The following CNTNAP3B variants were observed in gnomAD, a reference collection of about 807,000 sequenced individuals.
CNTNAP3B encodes the protein contactin-associated protein-like 3B.
A neutral mutation model predicts 108.9 loss-of-function variants in CNTNAP3B; 25 were observed. The ratio of observed to expected loss-of-function variants is 0.23; its 90% confidence interval spans 0.17 to 0.32. The LOEUF is 0.32. CNTNAP3B is among the 10% of genes least tolerant of loss of function. CNTNAP3B has a pLI of 1.00. For missense variants in CNTNAP3B, 252 were observed against 1,210.4 expected (o/e 0.21, Z 11.75); for synonymous variants, 103 against 473.4 (o/e 0.22, Z 10.16).
chr9:41,935,426 T>A (rs977500355), intron 14 of CNTNAP3B, among the ~76,000 whole-genome samples: 81 of 152,382 alleles, frequency 5.3e-4, no homozygotes, highest in African/African-American at 1.9e-3. Flanking sequence ...CCAGGAAAAC[T>A]TTACTAAGCA....
chr9:42,033,095 G>T (rs796887251), intron 3 of CNTNAP3B, among the ~76,000 whole-genome samples: 7,694 of 112,108 alleles, frequency 0.069, 52 homozygotes, highest in Middle Eastern at 0.15. Flanking sequence ...TATCAAAAAA[G>T]ACAAAAACTA....
intron 2 of CNTNAP3B, among the ~76,000 whole-genome samples, chr9:42,078,526 TC>T (rs1587253949): frequency 1.4e-5 from 2 of 139,852 alleles, no homozygotes; most frequent in East Asian, 2.1e-4. Context: ...TGTTCTATGT[TC>T]TGAATTGAAG....
chr9:41,958,650 G>T (rs1824954092), intron 12 of CNTNAP3B, among the ~76,000 whole-genome samples: 1 of 151,922 alleles, frequency 6.6e-6, no homozygotes, highest in Admixed American at 6.6e-5. Flanking sequence ...ACATGGGACA[G>T]GATGGCCAGA....
chr9:42,002,417 TATA>T (rs1826021600), intron 4 of CNTNAP3B, among the ~76,000 whole-genome samples: 1 of 93,392 alleles, frequency 1.1e-5, no homozygotes, highest in Non-Finnish European at 2.2e-5. Context: ...TTGGTGCAAT[TATA>T]ATGTTTTTGT....
chr9:41,990,933 G>A (rs1825794710), intron 8 of CNTNAP3B, among the ~76,000 whole-genome samples: 1 of 138,988 alleles, frequency 7.2e-6, no homozygotes, highest in Admixed American at 7.2e-5. Flanking sequence ...GCCTGTGTGT[G>A]GGGTGGACAT....
chr9:42,079,567 C>T lies in CNTNAP3B; in HGVS notation c.197-2505G>A, dbSNP rs571677257. Reference sequence around the variant, plus strand: ...AGATGGAGTCTCACTCTGTCACCAGCCTGGAGTGCAGTGGCGAGATCTCTG... The same window carrying T: ...AGATGGAGTCTCACTCTGTCACCAGTCTGGAGTGCAGTGGCGAGATCTCTG... On this transcript the variant is annotated intron_variant, in intron 2 of 23. Coordinates refer to ENST00000377561, the MANE Select transcript of CNTNAP3B (RefSeq NM_001201380.3). Among the ~76,000 whole-genome samples the T allele has an allele frequency of 8.8e-4, 115 of 130,408 alleles. 14 individuals are homozygous for T. Among genetic ancestry groups the T allele is most frequent in the African/African-American group, 3.4e-3 (111 of 32,280 alleles). 85.6% of individuals were successfully genotyped at this position (130,408 alleles called of 152,430 possible). A position where few individuals can be genotyped will look rare whatever the true frequency, so the allele number is the denominator to read the frequency against.
chr9:41,952,242 A>G (rs558348486), intron 13 of CNTNAP3B, among the ~76,000 whole-genome samples: 2 of 152,316 alleles, frequency 1.3e-5, no homozygotes, highest in African/African-American at 4.8e-5. Context: ...GTGAAATTTA[A>G]TTTAAGTGGC....
chr9:41,953,439 C>G, intron 12 of CNTNAP3B, 53 bp from the exon 13 acceptor site: 1 of 1,509,084 alleles, frequency 6.6e-7, no homozygotes, highest in Non-Finnish European at 8.9e-7. Flanking sequence ...ACGCCAGCAG[C>G]AAGAGGCAAA....
intron 2 of CNTNAP3B, among the ~76,000 whole-genome samples, chr9:42,085,180 G>T (rs1450660929): frequency 1.3e-5 from 2 of 151,608 alleles, no homozygotes; most frequent in Non-Finnish European, 2.9e-5. Context: ...CACATGAATT[G>T]GCAAAGACAG....
At chr9:41,934,176 T>TATATATAC (rs1564148370) in intron 14 of CNTNAP3B, among the ~76,000 whole-genome samples, 2 of 106,104 alleles carry the variant, frequency 1.9e-5, no homozygotes, top group Non-Finnish European at 3.7e-5. Context: ...CACATATATA[T>TATATATAC]ACACACACAC....
intron 2 of CNTNAP3B, among the ~76,000 whole-genome samples, chr9:42,082,989 C>A (rs1827632446): frequency 7.2e-6 from 1 of 138,968 alleles, no homozygotes; most frequent in Non-Finnish European, 1.5e-5. Flanking sequence ...TAAGTGTAAA[C>A]ACATGGAAAA....
At chr9:41,934,186 C>T (rs1449739818) in intron 14 of CNTNAP3B, among the ~76,000 whole-genome samples, 3,645 of 131,514 alleles carry the variant, frequency 0.028, 11 homozygotes, top group Non-Finnish European at 0.036. Context: ...TACACACACA[C>T]ACATATATAT....
In CNTNAP3B at chr9:42,121,910, CA is replaced by C. The variant is rs1828471966; in HGVS notation, c.85+7099del. Among the ~76,000 whole-genome samples the C allele has an allele frequency of 1.4e-5, 2 of 140,100 alleles. 1 individual carries two copies. The highest frequency in any genetic ancestry group is 5.6e-5 in the African/African-American group (2 of 35,494). 91.9% of individuals were successfully genotyped at this position (140,100 alleles called of 152,430 possible). Reference sequence around the variant, plus strand: ...TGGTTGCGGCAGAAGACTCCTGGGTCAAAGCAAAGGACTGTATTACTTACAG... The same window carrying C: ...TGGTTGCGGCAGAAGACTCCTGGGTCAAGCAAAGGACTGTATTACTTACAG... On this transcript the variant is annotated intron_variant, in intron 1 of 23. Transcript: ENST00000377561.
chr9:42,047,712 G>T (rs1440864090), intron 3 of CNTNAP3B, among the ~76,000 whole-genome samples: 2 of 62,954 alleles, frequency 3.2e-5, no homozygotes, highest in Non-Finnish European at 6.2e-5. Context: ...TCCTTCTGGT[G>T]TGAACTGCAC....
At chr9:42,111,584 T>C (rs536584456) in intron 1 of CNTNAP3B, among the ~76,000 whole-genome samples, 13 of 138,302 alleles carry the variant, frequency 9.4e-5, no homozygotes, top group Non-Finnish European at 1.9e-4. Flanking sequence ...GATGAAAGAA[T>C]CTGATTGCCT....
chr9:41,930,755 G>T (rs1823953736), intron 14 of CNTNAP3B, among the ~76,000 whole-genome samples: 1 of 152,284 alleles, frequency 6.6e-6, no homozygotes, highest in South Asian at 2.1e-4. Flanking sequence ...AGACCTGGAG[G>T]ATCCCCTAGG....
chr9:42,022,128 C>T (rs533380612), intron 3 of CNTNAP3B, among the ~76,000 whole-genome samples: 1 of 134,762 alleles, frequency 7.4e-6, no homozygotes, highest in Non-Finnish European at 1.6e-5. Flanking sequence ...CCAGAGGTCA[C>T]GAGATATGCA....
chr9:42,035,527 C>A (rs556842584), intron 3 of CNTNAP3B, among the ~76,000 whole-genome samples: 6 of 147,184 alleles, frequency 4.1e-5, no homozygotes, highest in Non-Finnish European at 9.0e-5. Context: ...GGACAAAAAT[C>A]CTTCAGTGCC....
intron 17 of CNTNAP3B, among the ~76,000 whole-genome samples, chr9:41,920,721 T>C (rs1823643786): frequency 6.6e-6 from 1 of 152,308 alleles, no homozygotes; most frequent in African/African-American, 2.4e-5. Flanking sequence ...TGCATTATAA[T>C]GGTTAGGTAT....
Sources: allele counts gnomAD v4.1 joint callset (sites outside exome capture counted in the v4.1 genomes callset), GRCh38; gene constraint gnomAD v4.1.1; transcripts MANE v1.5; gene names NCBI Gene and HGNC (gene_info 2026-07-23, HGNC 2026-07-21).